The following IMPDH2 variants were observed in gnomAD, a reference collection of about 807,000 sequenced individuals.
IMPDH2 encodes the protein inosine-5'-monophosphate dehydrogenase 2.
In IMPDH2, 33 loss-of-function variants were observed where a neutral mutation model predicts 57.8. The observed-to-expected ratio is 0.57, with a 90% CI of 0.43 to 0.76. The LOEUF is 0.76. IMPDH2 is among the 30% of genes least tolerant of loss of function. The pLI is 0.00. For missense variants in IMPDH2, 446 were observed against 659.1 expected, an observed-to-expected ratio of 0.68 and a Z score of 3.54; for synonymous variants, 270 against 241.3, an observed-to-expected ratio of 1.12 and a Z score of -1.10.
rs111988606 is a variant in IMPDH2 at position 49,025,125 on chromosome 3, C to T, written c.1150+1G>A. 1 of 1,614,198 alleles carries T rather than the reference C, an allele frequency of 6.2e-7. No homozygotes were observed. Among genetic ancestry groups the T allele is most frequent in the Non-Finnish European group, 8.5e-7 (1 of 1,180,020 alleles). ...TGGCCTTCACGGGTACTGGGCCTCACCTGTGGAGGCCCCAAGGGCCAAGGC... is the reference window on the plus strand; with the variant it reads ...TGGCCTTCACGGGTACTGGGCCTCATCTGTGGAGGCCCCAAGGGCCAAGGC... On this transcript the variant is annotated splice_donor_variant, in intron 10 of 13. Transcript: ENST00000326739. LOFTEE classifies it high-confidence loss of function.
In IMPDH2 at chr3:49,025,268, C is replaced by T; in HGVS notation, c.1008G>A (p.Val336=). The part of the protein sequence containing the change: ...GSGSICITQE[V]LACGRPQATA... The stretch of plus-strand genomic sequence containing the variant: ...TTGCTTGGGGCCGCCCACAGGCCAG[C>T]ACTGTTGAGATGGAGGAACACATGG... Residue 336 remains valine (V), a splice_region_variant and synonymous_variant, in exon 10 of 14, where the codon GTG becomes GTA. Coordinates refer to ENST00000326739, the MANE Select transcript of IMPDH2 (RefSeq NM_000884.3). The T allele has an allele frequency of 6.2e-7, 1 of 1,614,240 alleles. No individual in the cohort carries two copies. The highest frequency in any genetic ancestry group is 1.1e-5 in the South Asian group (1 of 91,092).
intron 5 of IMPDH2, 39 bp from the exon 6 acceptor site, chr3:49,027,086 G>C (rs369757217): frequency 3.5e-6 from 5 of 1,433,882 alleles, no homozygotes; most frequent in South Asian, 2.3e-5. Context: ...GCCAGTCATC[G>C]ACTATGACCA....
At chr3:49,029,094 C>A (rs2093213237) in intron 1 of IMPDH2, 159 bp downstream of exon 1, 1 of 686,466 alleles carries the variant, frequency 1.5e-6, no homozygotes. Context: ...CCCCAAGCAC[C>A]GCTCCAGATG....
chr3:49,027,311 C>T (rs908269465), intron 5 of IMPDH2, among the ~76,000 whole-genome samples: 1 of 152,114 alleles, frequency 6.6e-6, no homozygotes, highest in African/African-American at 2.4e-5. Context: ...TACATTCACA[C>T]CCAAAACACC....
chr3:49,026,188 CCCAT>C, intron 9 of IMPDH2, 132 bp downstream of exon 9: 1 of 709,714 alleles, frequency 1.4e-6, no homozygotes. Context: ...AGCCATGTCA[CCCAT>C]CCAAGAGGCC....
In IMPDH2 at chr3:49,029,245, G is replaced by GC; in HGVS notation, c.98+7dup. 1 of 1,590,430 alleles carries GC rather than the reference G, an allele frequency of 6.3e-7. No individual in the cohort carries two copies. Among genetic ancestry groups the GC allele is most frequent in the Non-Finnish European group, 8.6e-7 (1 of 1,167,440 alleles). ...CTCTTCGCCCAGGTGAGCCCCATAG[G>GC]CCCGCACTTGTAGGTGAGGCCGTCT... On this transcript the variant is annotated splice_region_variant and intron_variant, in intron 1 of 13. Transcript: ENST00000326739.
In IMPDH2 at chr3:49,028,816, A is replaced by T. The variant is rs201807292; in HGVS notation, c.99-10T>A. The T allele has an allele frequency of 1.1e-4, 181 of 1,611,876 alleles. No homozygotes were observed. The highest frequency in any genetic ancestry group is 1.5e-4 in the Non-Finnish European group (175 of 1,178,110). On this transcript the variant is annotated splice_polypyrimidine_tract_variant and intron_variant, in intron 1 of 13. Coordinates refer to ENST00000326739, the MANE Select transcript of IMPDH2 (RefSeq NM_000884.3). The stretch of plus-strand genomic sequence containing the variant: ...GAGAATGAGAAAGTCACTGCGAGGG[A>T]AGGGAGTGAATTGGGAGTAAAGCTC...
At chr3:49,028,085 T>C in intron 4 of IMPDH2, 163 bp downstream of exon 4, 1 of 778,440 alleles carries the variant, frequency 1.3e-6, no homozygotes, top group East Asian at 2.7e-5. Context: ...GTACACCTGG[T>C]CTATTGCTGC....
At chr3:49,027,635 G>T in intron 5 of IMPDH2, 75 bp downstream of exon 5, 1 of 1,241,092 alleles carries the variant, frequency 8.1e-7, no homozygotes, top group Non-Finnish European at 1.2e-6. Flanking sequence ...TATCAGAGAT[G>T]TCTTAGACAA....
intron 9 of IMPDH2, 41 bp from the exon 10 acceptor site, chr3:49,025,310 G>A: frequency 6.2e-7 from 1 of 1,612,196 alleles, no homozygotes; most frequent in Non-Finnish European, 8.5e-7. Context: ...AGGGTTAATG[G>A]GGACGGGCAG....
chr3:49,026,966 T>A lies in IMPDH2; in HGVS notation c.613A>T (p.Lys205Ter). 6.2e-7 allele frequency: 1 copy of A among 1,614,040 alleles called. No individual in the cohort carries two copies. The highest frequency in any genetic ancestry group is 1.1e-5 in the South Asian group (1 of 91,086). Residue 205 changes from lysine to a stop codon, truncating the protein, a stop_gained, in exon 6 of 14, where the codon AAG (lysine) becomes TAG (stop). Transcript: ENST00000326739. LOFTEE classifies it high-confidence loss of function. ...KEANEILQRS[K>*]KGKLPIVNED... is the part of the protein sequence containing the mutation. ...TCCCAGCTCTAGGACTTACCCTTCT[T>A]GCTGCGCTGCAGAATTTCATTTGCC... is the stretch of plus-strand genomic sequence containing the variant.
chr3:49,028,386 G>A, intron 3 of IMPDH2, 45 bp downstream of exon 3: 1 of 1,605,512 alleles, frequency 6.2e-7, no homozygotes, highest in African/African-American at 1.3e-5. Context: ...TTTGGGGAAA[G>A]GCGATGGAGT....
chr3:49,026,043 T>C, intron 9 of IMPDH2: 1 of 545,134 alleles, frequency 1.8e-6, no homozygotes, highest in Non-Finnish European at 3.5e-6. Context: ...TGGGACTTTA[T>C]GTCTGGAGGG....
chr3:49,027,563 G>T, intron 5 of IMPDH2, 147 bp downstream of exon 5: 2 of 679,990 alleles, frequency 2.9e-6, no homozygotes, highest in South Asian at 3.6e-5. Context: ...GGGAAAGGAT[G>T]CAGGAACCCA....
chr3:49,027,957 T>A, intron 4 of IMPDH2, 41 bp from the exon 5 acceptor site: 1 of 1,448,578 alleles, frequency 6.9e-7, no homozygotes, highest in South Asian at 1.2e-5. Context: ...ATCTTTGAAC[T>A]ACTTTCATCA....
In IMPDH2 at chr3:49,027,719, GA is replaced by G. The variant is rs1211560103; in HGVS notation, c.521del (p.Phe174SerfsTer5). Reference sequence around the variant, plus strand: ...TGCCAGTGGCACCCACCTCTTCCAAGAAACAGTCATGTTCCTCCTCTTTGAG... The same window carrying G: ...TGCCAGTGGCACCCACCTCTTCCAAGAACAGTCATGTTCCTCCTCTTTGAG... ...DFLKEEEHDC[F>X]LEEIMTKRED... On this transcript the variant is annotated frameshift_variant, in exon 5 of 14. Transcript: ENST00000326739. LOFTEE classifies it high-confidence loss of function. The G allele has an allele frequency of 1.2e-6, 2 of 1,614,060 alleles. No individual in the cohort carries two copies. The highest frequency in any genetic ancestry group is 3.3e-5 in the Admixed American group (2 of 60,016).
At chr3:49,025,062 G>C in intron 10 of IMPDH2, 22 bp from the exon 11 acceptor site, 1 of 1,614,222 alleles carries the variant, frequency 6.2e-7, no homozygotes, top group Non-Finnish European at 8.5e-7. Context: ...TGGAGTGCTT[G>C]GGTTAGAGCC....
chr3:49,027,699 G>A lies in IMPDH2; in HGVS notation c.531+11C>T. The A allele has an allele frequency of 1.2e-6, 2 of 1,612,504 alleles. No individual in the cohort carries two copies. The highest frequency in any genetic ancestry group is 1.7e-6 in the Non-Finnish European group (2 of 1,178,490). On this transcript the variant is annotated intron_variant, in intron 5 of 13. Coordinates refer to ENST00000326739, the MANE Select transcript of IMPDH2 (RefSeq NM_000884.3). Reference sequence around the variant, plus strand: ...GCTAGAGCTTGGATCTACTCTGCCAGTGGCACCCACCTCTTCCAAGAAACA... The same window carrying A: ...GCTAGAGCTTGGATCTACTCTGCCAATGGCACCCACCTCTTCCAAGAAACA...
At position 49,024,373 on chromosome 3, in the gene IMPDH2, G is replaced by C. The variant is rs775473910; in HGVS notation, c.*10C>G. On this transcript the variant is annotated 3_prime_UTR_variant, in exon 14 of 14. Coordinates refer to ENST00000326739, the MANE Select transcript of IMPDH2 (RefSeq NM_000884.3). ...GAAAAAAAAACCGAGGAGGTGTGCT[G>C]GATCCCTTTTCAGAAAAGCCGCTTC... The C allele has an allele frequency of 1.9e-6, 3 of 1,613,878 alleles. No individual in the cohort carries two copies. Among genetic ancestry groups the C allele is most frequent in the Middle Eastern group, 1.6e-4 (1 of 6,084 alleles).
Sources: gnomAD v4.1 joint callset for allele counts (sites outside exome capture counted in the v4.1 genomes callset) on GRCh38, gnomAD v4.1.1 for gene constraint, MANE v1.5 for transcripts, NCBI Gene and HGNC (gene_info 2026-07-23, HGNC 2026-07-21) for gene names.